Variants in HSDL2 observed in about 807,000 individuals in gnomAD.
HSDL2 encodes hydroxysteroid dehydrogenase-like protein 2.
Under a neutral mutation model 46.3 loss-of-function variants are expected in HSDL2, and 27 were observed. The ratio of observed to expected loss-of-function variants is 0.58; its 90% confidence interval spans 0.43 to 0.80. The LOEUF (loss-of-function observed/expected upper bound fraction) is 0.80, where lower values mean the gene tolerates loss of function less well. HSDL2 is among the 30% of genes least tolerant of loss of function. The pLI is 0.00. For synonymous variants in HSDL2, 153 were observed against 163.6 expected (o/e 0.94, Z 0.50); for missense variants, 451 against 502.7 (o/e 0.90, Z 0.98).
chr9:112,452,282 TG>T (rs1369931495), intron 8 of HSDL2, among the ~76,000 whole-genome samples: 1 of 152,212 alleles, frequency 6.6e-6, no homozygotes, highest in East Asian at 1.9e-4. Context: ...TAATAACCTT[TG>T]AGGAATTGTA....
chr9:112,392,965 T>TG (rs1284158411), intron 1 of HSDL2, among the ~76,000 whole-genome samples: 3 of 152,300 alleles, frequency 2.0e-5, no homozygotes, highest in East Asian at 1.9e-4. Flanking sequence ...TTCCCTCCAT[T>TG]GGGGGGTCCC....
chr9:112,438,580 AAAG>A lies in HSDL2; in HGVS notation c.755_757del (p.Glu252del). On this transcript the variant is annotated inframe_deletion, in exon 7 of 11. Coordinates refer to ENST00000398805, the MANE Select transcript of HSDL2 (RefSeq NM_032303.5). ...CTTTGTCATTGATGAAAATATCTTA[AAAG>A]AAGAAGGAATAGAAAATTTTGACGT... The A allele has an allele frequency of 6.2e-7, 1 of 1,609,090 alleles. No individual in the cohort carries two copies. Among genetic ancestry groups the A allele is most frequent in the Non-Finnish European group, 8.5e-7 (1 of 1,177,728 alleles).
chr9:112,384,046 G>T (rs1831168448), intron 1 of HSDL2, among the ~76,000 whole-genome samples: 1 of 152,082 alleles, frequency 6.6e-6, no homozygotes, highest in African/African-American at 2.4e-5. Context: ...TTTAATATGT[G>T]GGAAAGCTAG....
At chr9:112,391,663 T>C (rs1173084742) in intron 1 of HSDL2, among the ~76,000 whole-genome samples, 1 of 152,084 alleles carries the variant, frequency 6.6e-6, no homozygotes, top group Non-Finnish European at 1.5e-5. Flanking sequence ...CCCAGCACTT[T>C]GGGAGGCGGA....
intron 10 of HSDL2, among the ~76,000 whole-genome samples, chr9:112,460,152 ATAAGT>A (rs910988262): frequency 2.0e-5 from 3 of 152,242 alleles, no homozygotes; most frequent in African/African-American, 7.2e-5. Context: ...ACTCCAAATG[ATAAGT>A]TAATTAACTC....
At chr9:112,432,936 T>C (rs1181867457) in intron 6 of HSDL2, among the ~76,000 whole-genome samples, 1 of 151,734 alleles carries the variant, frequency 6.6e-6, no homozygotes, top group East Asian at 1.9e-4. Flanking sequence ...CCTGGCTAAT[T>C]TTTGTATTTT....
chr9:112,451,869 GA>G (rs1832892606), intron 8 of HSDL2, among the ~76,000 whole-genome samples: 1 of 152,142 alleles, frequency 6.6e-6, no homozygotes, highest in Admixed American at 6.6e-5. Flanking sequence ...TAGCAATTAG[GA>G]GGGGTTGTGG....
Position 112,408,928 on chromosome 9 carries a change from ATGCCAG to A in HSDL2, c.308_313del (p.Ser103_Ala104del). ...ACAGGAATTGATATTCTGGTAAATAATGCCAGTGCCATTAGTTTGACCAATACATTG... is the reference window on the plus strand; with the variant it reads ...ACAGGAATTGATATTCTGGTAAATAATGCCATTAGTTTGACCAATACATTG... On this transcript the variant is annotated inframe_deletion, in exon 4 of 11. Coordinates refer to ENST00000398805, the MANE Select transcript of HSDL2 (RefSeq NM_032303.5). The A allele has an allele frequency of 6.4e-7, 1 of 1,566,108 alleles. No individual in the cohort carries two copies. The highest frequency in any genetic ancestry group is 8.7e-7 in the Non-Finnish European group (1 of 1,145,648).
At chr9:112,431,290 G>A (rs1260723025) in intron 6 of HSDL2, among the ~76,000 whole-genome samples, 2 of 151,990 alleles carry the variant, frequency 1.3e-5, no homozygotes, top group African/African-American at 4.8e-5. Flanking sequence ...AAATCTGTGG[G>A]TTATCAGCAT....
At chr9:112,412,961 A>G (rs1024834465) in intron 4 of HSDL2, among the ~76,000 whole-genome samples, 2 of 151,990 alleles carry the variant, frequency 1.3e-5, no homozygotes. Flanking sequence ...TTACAGTTAA[A>G]ATTAAAACTC....
Position 112,470,631 on chromosome 9 carries a change from GTTATAT to G in HSDL2, c.*89_*94del. The G allele has an allele frequency of 4.2e-6, 3 of 719,728 alleles. No individual in the cohort carries two copies. The highest frequency in any genetic ancestry group is 6.9e-6 in the Non-Finnish European group (3 of 433,186). The allele number at this position is 719,728 out of a possible 1,614,324, so 44.6% of individuals were successfully genotyped here. ...AAATCTAATGTTTGTTTTCTTTCCT[GTTATAT>G]TATAAGGATATGCACGTTTGTTCTG... On this transcript the variant is annotated 3_prime_UTR_variant, in exon 11 of 11. Transcript: ENST00000398805.
At chr9:112,404,257 C>G (rs1831672496) in intron 2 of HSDL2, 99 bp downstream of exon 2, 6 of 1,155,998 alleles carry the variant, frequency 5.2e-6, no homozygotes, top group Admixed American at 2.4e-5. Flanking sequence ...GAAAGCTACC[C>G]TGAACATAAT....
At chr9:112,390,387 A>G (rs959618659) in intron 1 of HSDL2, among the ~76,000 whole-genome samples, 4 of 152,180 alleles carry the variant, frequency 2.6e-5, no homozygotes, top group Non-Finnish European at 5.9e-5. Context: ...ATGTAGGGAA[A>G]AAATGTATTA....
chr9:112,441,886 T>C, intron 8 of HSDL2, 116 bp downstream of exon 8: 1 of 651,330 alleles, frequency 1.5e-6, no homozygotes, highest in Non-Finnish European at 2.6e-6. Flanking sequence ...TTTTAAACTG[T>C]TTTGTACTTT....
At chr9:112,390,312 G>T (rs1199957004) in intron 1 of HSDL2, among the ~76,000 whole-genome samples, 3 of 152,022 alleles carry the variant, frequency 2.0e-5, no homozygotes. Context: ...TTCAGTTTAT[G>T]ACAGAGCTGA....
Position 112,470,750 on chromosome 9 carries a change from AAGAC to A in HSDL2, c.*209_*212del. On this transcript the variant is annotated 3_prime_UTR_variant, in exon 11 of 11. Coordinates refer to ENST00000398805, the MANE Select transcript of HSDL2 (RefSeq NM_032303.5). ...CATAAGCTTCATTAAGTGGGATTCTAAGACAGTCTGTGTTTTTATATTTCAAGGG... is the reference window on the plus strand; with the variant it reads ...CATAAGCTTCATTAAGTGGGATTCTAAGTCTGTGTTTTTATATTTCAAGGG... The A allele has an allele frequency of 2.5e-6, 1 of 400,720 alleles. No homozygotes were observed. The highest frequency in any genetic ancestry group is 4.5e-6 in the Non-Finnish European group (1 of 224,170). 24.8% of individuals were successfully genotyped at this position (400,720 alleles called of 1,614,324 possible).
At chr9:112,391,953 T>C (rs1214560610) in intron 1 of HSDL2, among the ~76,000 whole-genome samples, 2 of 148,514 alleles carry the variant, frequency 1.3e-5, no homozygotes, top group African/African-American at 2.5e-5. Flanking sequence ...CAAAAGAAGG[T>C]ATTGGGGGAA....
chr9:112,450,146 C>T (rs10981410), intron 8 of HSDL2, among the ~76,000 whole-genome samples: 145,414 of 152,140 alleles, frequency 0.96, 69,555 homozygotes, highest in African/African-American at 0.98. Flanking sequence ...AAGCTTAGTA[C>T]GGGCAGGGTA....
chr9:112,455,412 CT>C (rs1832994378), intron 9 of HSDL2, among the ~76,000 whole-genome samples: 1 of 152,178 alleles, frequency 6.6e-6, no homozygotes, highest in African/African-American at 2.4e-5. Context: ...TCATCCATGG[CT>C]TTAGTCACTC....
Sources: gnomAD v4.1 joint callset for allele counts (sites outside exome capture counted in the v4.1 genomes callset) on GRCh38, gnomAD v4.1.1 for gene constraint, MANE v1.5 for transcripts, NCBI Gene and HGNC (gene_info 2026-07-23, HGNC 2026-07-21) for gene names.